Variants in GRM3 observed in about 807,000 individuals in gnomAD.
The protein encoded by GRM3 is glutamate metabotropic receptor 3, also known as metabotropic glutamate receptor 3.
Under a neutral mutation model 70.5 loss-of-function variants are expected in GRM3, and 26 were observed. The observed-to-expected ratio is 0.37, with a 90% CI of 0.27 to 0.51. GRM3 has a LOEUF of 0.51. GRM3 is among the 20% of genes least tolerant of loss of function. GRM3 has a pLI of 0.93. For missense variants in GRM3, 859 were observed against 1,123.8 expected, an observed-to-expected ratio of 0.76 and a Z score of 3.37; for synonymous variants, 443 against 434.9, an observed-to-expected ratio of 1.02 and a Z score of -0.23.
At chr7:86,652,796 T>C (rs701335) in intron 1 of GRM3, among the ~76,000 whole-genome samples, 98,828 of 151,530 alleles carry the variant, frequency 0.65, 32,549 homozygotes, top group East Asian at 0.87. Context: ...ACCTCTGCTG[T>C]AAATAGTCTG....
intron 1 of GRM3, among the ~76,000 whole-genome samples, chr7:86,686,613 T>A (rs1794574624): frequency 6.6e-6 from 1 of 152,166 alleles, no homozygotes; most frequent in Admixed American, 6.5e-5. Flanking sequence ...TAATCAGCCC[T>A]AACAAAGACT....
chr7:86,716,127 G>A (rs939612676), intron 1 of GRM3, among the ~76,000 whole-genome samples: 1 of 151,982 alleles, frequency 6.6e-6, no homozygotes, highest in African/African-American at 2.4e-5. Context: ...TAGAGATAAA[G>A]ATCCTCAAAT....
intron 5 of GRM3, among the ~76,000 whole-genome samples, chr7:86,858,744 C>T (rs1798899220): frequency 6.6e-6 from 1 of 152,184 alleles, no homozygotes; most frequent in Non-Finnish European, 1.5e-5. Context: ...GACATATCTT[C>T]TTTTTCCATA....
intron 1 of GRM3, among the ~76,000 whole-genome samples, chr7:86,646,007 G>C (rs1793458862): frequency 5.9e-5 from 2 of 33,916 alleles, no homozygotes; most frequent in Admixed American, 9.6e-4. Flanking sequence ...GTGGGGGGGT[G>C]GGGGGGGGTG....
intron 1 of GRM3, among the ~76,000 whole-genome samples, chr7:86,750,087 G>A (rs111785007): frequency 0.024 from 3,603 of 152,144 alleles, 57 homozygotes; most frequent in Non-Finnish European, 0.035. Flanking sequence ...GAAGAAACTA[G>A]TGAAAAAGAA....
chr7:86,837,478 C>A (rs1297844746), intron 3 of GRM3, among the ~76,000 whole-genome samples: 1 of 152,216 alleles, frequency 6.6e-6, no homozygotes, highest in Non-Finnish European at 1.5e-5. Context: ...AATCTCTTTC[C>A]ATAGTATGGA....
intron 1 of GRM3, among the ~76,000 whole-genome samples, chr7:86,716,853 C>T (rs1453033076): frequency 6.6e-6 from 1 of 151,926 alleles, no homozygotes; most frequent in Non-Finnish European, 1.5e-5. Context: ...TTCATATCCT[C>T]AGCACTGTTA....
At chr7:86,777,397 G>A (rs545219317) in intron 2 of GRM3, among the ~76,000 whole-genome samples, 2 of 152,258 alleles carry the variant, frequency 1.3e-5, no homozygotes, top group East Asian at 3.9e-4. Flanking sequence ...TTTCCACTAT[G>A]ATTAGGGAGT....
chr7:86,661,966 A>G (rs951188561), intron 1 of GRM3, among the ~76,000 whole-genome samples: 6 of 151,792 alleles, frequency 4.0e-5, no homozygotes, highest in African/African-American at 1.5e-4. Context: ...ATATAATAAT[A>G]TTTTTTCCCA....
intron 1 of GRM3, among the ~76,000 whole-genome samples, chr7:86,741,322 C>T (rs1261140655): frequency 6.6e-6 from 1 of 152,148 alleles, no homozygotes; most frequent in Non-Finnish European, 1.5e-5. Flanking sequence ...TTCTAAAAAA[C>T]ATTCAGTTTA....
chr7:86,827,360 A>G (rs1314156909), intron 3 of GRM3, among the ~76,000 whole-genome samples: 6 of 152,242 alleles, frequency 3.9e-5, no homozygotes, highest in Non-Finnish European at 2.9e-5. Context: ...TAGGGGCATT[A>G]AAACTAAAGA....
intron 3 of GRM3, among the ~76,000 whole-genome samples, chr7:86,818,580 C>A (rs888738652): frequency 6.6e-6 from 1 of 152,072 alleles, no homozygotes; most frequent in African/African-American, 2.4e-5. Context: ...AGCACTGATA[C>A]ATAGTAGGTA....
At chr7:86,807,725 A>G (rs1277699367) in intron 3 of GRM3, among the ~76,000 whole-genome samples, 1 of 152,142 alleles carries the variant, frequency 6.6e-6, no homozygotes, top group Non-Finnish European at 1.5e-5. Context: ...TTCCTAATTG[A>G]GTACCCTTTA....
chr7:86,800,722 T>C (rs1270352429), intron 3 of GRM3, among the ~76,000 whole-genome samples: 3 of 152,208 alleles, frequency 2.0e-5, no homozygotes, highest in Non-Finnish European at 4.4e-5. Flanking sequence ...AAAGAGGAGC[T>C]GGTATTATTT....
At chr7:86,762,980 G>A (rs1796516658) in intron 1 of GRM3, among the ~76,000 whole-genome samples, 1 of 152,238 alleles carries the variant, frequency 6.6e-6, no homozygotes, top group South Asian at 2.1e-4. Flanking sequence ...AAAGCACTGA[G>A]AAGAGATTTA....
At chr7:86,767,596 A>G (rs1462821539) in intron 2 of GRM3, among the ~76,000 whole-genome samples, 2 of 148,322 alleles carry the variant, frequency 1.3e-5, no homozygotes, top group South Asian at 2.1e-4. Context: ...GTGTATATAT[A>G]TAGTCTGCCA....
At chr7:86,756,464 TTAAAG>T (rs1445876243) in intron 1 of GRM3, among the ~76,000 whole-genome samples, 3 of 152,168 alleles carry the variant, frequency 2.0e-5, no homozygotes, top group South Asian at 4.1e-4. Context: ...TTTCAACTTC[TTAAAG>T]TATAGTTTAA....
chr7:86,769,951 C>T (rs1018753470), intron 2 of GRM3, among the ~76,000 whole-genome samples: 2 of 152,106 alleles, frequency 1.3e-5, no homozygotes, highest in African/African-American at 4.8e-5. Flanking sequence ...CATAAGCCTG[C>T]AATCCACCCA....
intron 1 of GRM3, among the ~76,000 whole-genome samples, chr7:86,646,357 T>C (rs571848852): frequency 6.6e-6 from 1 of 152,324 alleles, no homozygotes; most frequent in East Asian, 1.9e-4. Flanking sequence ...CTTACACCTG[T>C]AGACTTTAGC....
Sources: allele counts gnomAD v4.1 joint callset (sites outside exome capture counted in the v4.1 genomes callset), GRCh38; gene constraint gnomAD v4.1.1; transcripts MANE v1.5; gene names NCBI Gene and HGNC (gene_info 2026-07-23, HGNC 2026-07-21).